SLC25A21: variants seen among roughly 807,000 people sequenced by gnomAD.
SLC25A21 encodes mitochondrial 2-oxodicarboxylate carrier.
A neutral mutation model predicts 43.8 loss-of-function variants in SLC25A21; 47 were observed. That is an observed-to-expected ratio of 1.07 (90% confidence interval 0.85 to 1.37). The LOEUF (loss-of-function observed/expected upper bound fraction) is 1.37. Ranked by LOEUF, SLC25A21 falls within the 40% of genes most tolerant of loss-of-function variation. The pLI is 0.00. For synonymous variants in SLC25A21, 131 were observed against 121.3 expected (o/e 1.08, Z -0.52); for missense variants, 352 against 350.2 (o/e 1.00, Z -0.04).
chr14:36,790,587 A>C (rs1385621547), intron 3 of SLC25A21, among the ~76,000 whole-genome samples: 1 of 152,162 alleles, frequency 6.6e-6, no homozygotes, highest in Non-Finnish European at 1.5e-5. Context: ...CTATTTAAAC[A>C]GTTCTCCCAA....
At chr14:36,872,758 TA>T (rs1890411234) in intron 2 of SLC25A21, among the ~76,000 whole-genome samples, 1 of 152,218 alleles carries the variant, frequency 6.6e-6, no homozygotes, top group African/African-American at 2.4e-5. Context: ...AATGCCATTT[TA>T]ATGAAAATAT....
At chr14:37,043,943 T>TTTTG (rs1378767599) in intron 1 of SLC25A21, among the ~76,000 whole-genome samples, 3 of 149,774 alleles carry the variant, frequency 2.0e-5, no homozygotes, top group African/African-American at 7.3e-5. Flanking sequence ...TTTTTTTGTT[T>TTTTG]TTTTTTTTTT....
At chr14:36,944,264 G>A (rs151319178) in intron 1 of SLC25A21, among the ~76,000 whole-genome samples, 16 of 152,130 alleles carry the variant, frequency 1.1e-4, no homozygotes, top group African/African-American at 1.7e-4. Flanking sequence ...CCATTAATAG[G>A]GGAGGAAAGA....
At chr14:37,169,782 T>C (rs1204389139) in intron 1 of SLC25A21, among the ~76,000 whole-genome samples, 2 of 152,108 alleles carry the variant, frequency 1.3e-5, no homozygotes, top group African/African-American at 2.4e-5. Flanking sequence ...AAAGATAAAG[T>C]TTTATGAAAA....
At chr14:36,943,405 T>C (rs147586115) in intron 1 of SLC25A21, among the ~76,000 whole-genome samples, 1,982 of 152,292 alleles carry the variant, frequency 0.013, 36 homozygotes, top group African/African-American at 0.044. Flanking sequence ...TTGGCCAGGC[T>C]GGTCTTGAGC....
intron 1 of SLC25A21, among the ~76,000 whole-genome samples, chr14:37,099,821 T>C (rs1181658632): frequency 6.6e-6 from 1 of 152,056 alleles, no homozygotes; most frequent in African/African-American, 2.4e-5. Flanking sequence ...GAGTAAGTGA[T>C]TTTCCTAAAA....
Position 36,725,525 on chromosome 14 carries a change from A to T in SLC25A21, c.438+45T>A, listed in dbSNP as rs200594208. ...TAAATAAATAAATAAATAAATAAATAAATTTTTACATGCCCCTAACAATAG... is the reference window on the plus strand; with the variant it reads ...TAAATAAATAAATAAATAAATAAATTAATTTTTACATGCCCCTAACAATAG... On this transcript the variant is annotated intron_variant, in intron 6 of 9. Coordinates refer to ENST00000331299, the MANE Select transcript of SLC25A21 (RefSeq NM_030631.4). The T allele has an allele frequency of 2.5e-4, 162 of 635,334 alleles. 1 individual carries two copies. Among genetic ancestry groups the T allele is most frequent in the East Asian group, 2.5e-3 (63 of 25,246 alleles). 39.4% of individuals were successfully genotyped at this position (635,334 alleles called of 1,614,324 possible).
At chr14:36,716,248 G>A (rs974607877) in intron 6 of SLC25A21, among the ~76,000 whole-genome samples, 1 of 152,166 alleles carries the variant, frequency 6.6e-6, no homozygotes, top group African/African-American at 2.4e-5. Flanking sequence ...TACCAGGGGT[G>A]ATGCGAGGAG....
chr14:36,813,048 C>T (rs966956001), intron 3 of SLC25A21, among the ~76,000 whole-genome samples: 7 of 151,966 alleles, frequency 4.6e-5, no homozygotes, highest in African/African-American at 1.7e-4. Context: ...ATATAATATT[C>T]TTTGAAAAAT....
chr14:36,710,789 T>A lies in SLC25A21; in HGVS notation c.603+529A>T, dbSNP rs572156570. ...ATGATGATAATAATTATCATCATTG[T>A]TATTTTGCCTCAAAAGCAAATGATT... is the stretch of plus-strand genomic sequence containing the variant. On this transcript the variant is annotated intron_variant, in intron 7 of 9. Coordinates refer to ENST00000331299, the MANE Select transcript of SLC25A21 (RefSeq NM_030631.4). 2.0e-5 allele frequency among the ~76,000 whole-genome samples: 3 copies of A among 152,300 alleles called. 1 individual carries two copies. Among genetic ancestry groups the A allele is most frequent in the Admixed American group, 6.5e-5 (1 of 15,298 alleles).
chr14:36,848,639 C>T (rs566006804), intron 2 of SLC25A21, among the ~76,000 whole-genome samples: 48 of 152,308 alleles, frequency 3.2e-4, no homozygotes, highest in African/African-American at 1.1e-3. Flanking sequence ...AAATGATCAG[C>T]AGATTTCTCT....
At chr14:36,701,135 T>C (rs775862118) in intron 7 of SLC25A21, among the ~76,000 whole-genome samples, 2 of 152,254 alleles carry the variant, frequency 1.3e-5, no homozygotes, top group Non-Finnish European at 2.9e-5. Flanking sequence ...TTCATAAACT[T>C]TGACAAAAAC....
chr14:36,971,555 C>T (rs915170196), intron 1 of SLC25A21, among the ~76,000 whole-genome samples: 1 of 151,958 alleles, frequency 6.6e-6, no homozygotes, highest in African/African-American at 2.4e-5. Flanking sequence ...AACCAGACAC[C>T]ACCTCCTCAA....
chr14:36,776,226 C>CTTTTTTTTTTTTT (rs1227806836), intron 3 of SLC25A21, among the ~76,000 whole-genome samples: 1 of 48,084 alleles, frequency 2.1e-5, no homozygotes, highest in Non-Finnish European at 4.6e-5. Flanking sequence ...TTTTCTTTTT[C>CTTTTTTTTTTTTT]TTTCTTTCTT....
At chr14:36,875,054 C>T (rs764175378) in intron 1 of SLC25A21, 50 bp from the exon 2 acceptor site, 14 of 1,467,162 alleles carry the variant, frequency 9.5e-6, no homozygotes, top group South Asian at 8.3e-5. Flanking sequence ...AACACTGGTT[C>T]TTATTTCCTT....
chr14:37,131,862 T>C (rs1292780275), intron 1 of SLC25A21, among the ~76,000 whole-genome samples: 2 of 152,112 alleles, frequency 1.3e-5, no homozygotes, highest in Non-Finnish European at 2.9e-5. Flanking sequence ...TTTGTAGAGA[T>C]GGGATCTTGC....
chr14:37,037,791 C>T (rs1414759330), intron 1 of SLC25A21, among the ~76,000 whole-genome samples: 2 of 152,130 alleles, frequency 1.3e-5, no homozygotes, highest in African/African-American at 2.4e-5. Context: ...CAAATCATGT[C>T]CCTCCTTCTT....
In SLC25A21 at chr14:37,172,086, G is replaced by C. The variant is rs1964140481; in HGVS notation, c.70+195C>G. 1.2e-5 allele frequency: 7 copies of C among 582,578 alleles called. No individual in the cohort carries two copies. The East Asian group carries it at 2.1e-4, about 17-fold the overall frequency. 36.1% of individuals were successfully genotyped at this position (582,578 alleles called of 1,614,324 possible). A position where few individuals can be genotyped will look rare whatever the true frequency, so the allele number is the denominator to read the frequency against. Reference sequence around the variant, plus strand: ...CGGACGCCGAGGCAACTTTACTTGGGGCACCCACTACTCGCAATCAACTCC... The same window carrying C: ...CGGACGCCGAGGCAACTTTACTTGGCGCACCCACTACTCGCAATCAACTCC... On this transcript the variant is annotated intron_variant, in intron 1 of 9. Transcript: ENST00000331299.
In SLC25A21 at chr14:36,776,234, C is replaced by CTTTTTTTTTTTTTTTTTTT. The variant is rs1397904925; in HGVS notation, c.203+37683_203+37684insAAAAAAAAAAAAAAAAAAA. Among the ~76,000 whole-genome samples the CTTTTTTTTTTTTTTTTTTT allele has an allele frequency of 2.6e-4, 20 of 75,750 alleles. 2 individuals are homozygous for CTTTTTTTTTTTTTTTTTTT. The highest frequency in any genetic ancestry group is 1.1e-3 in the African/African-American group (19 of 17,568). The allele number at this position is 75,750 out of a possible 152,430, so 49.7% of individuals were successfully genotyped here. A position where few individuals can be genotyped will look rare whatever the true frequency, so the allele number is the denominator to read the frequency against. ...CTTTCTTTTTTCTTTTTCTTTCTTT[C>CTTTTTTTTTTTTTTTTTTT]TTTCTTTTTTTTTTTTTTTTGAGAT... is the stretch of plus-strand genomic sequence containing the variant. On this transcript the variant is annotated intron_variant, in intron 3 of 9. Transcript: ENST00000331299.
Sources: allele counts gnomAD v4.1 joint callset (sites outside exome capture counted in the v4.1 genomes callset), GRCh38; gene constraint gnomAD v4.1.1; transcripts MANE v1.5; gene names NCBI Gene and HGNC (gene_info 2026-07-23, HGNC 2026-07-21).